MTHFD2: variants seen among roughly 807,000 people sequenced by gnomAD.
The protein encoded by MTHFD2 is methylenetetrahydrofolate dehydrogenase (NADP+ dependent) 2, methenyltetrahydrofolate cyclohydrolase.
A neutral mutation model predicts 36.8 loss-of-function variants in MTHFD2; 26 were observed. The ratio of observed to expected loss-of-function variants is 0.71; its 90% confidence interval spans 0.52 to 0.98. MTHFD2 has a LOEUF of 0.98. Among genes scored for constraint, MTHFD2 ranks in the 50% least tolerant of loss-of-function variants. MTHFD2 has a pLI of 0.00. For missense variants in MTHFD2, 373 were observed against 434.0 expected (o/e 0.86, Z 1.25); for synonymous variants, 164 against 155.2 (o/e 1.06, Z -0.42).
At position 74,205,888 on chromosome 2, in the gene MTHFD2, G is replaced by C; in HGVS notation, c.285G>C (p.Val95=). The change falls in exon 2 of 8, where the codon GTG becomes GTC. Residue 95 remains valine (V), a splice_region_variant and synonymous_variant. Coordinates refer to ENST00000394053, the MANE Select transcript of MTHFD2 (RefSeq NM_006636.4). ...VLNKTRAAAV[V]GINSETIMKP... ...ACAAAACCAGGGCAGCTGCAGTTGTGGGTATGTGTCCTTCTGAGACCTCGA... is the reference window on the plus strand; with the variant it reads ...ACAAAACCAGGGCAGCTGCAGTTGTCGGTATGTGTCCTTCTGAGACCTCGA... 6.2e-7 allele frequency: 1 copy of C among 1,612,934 alleles called. No individual in the cohort carries two copies. The highest frequency in any genetic ancestry group is 8.5e-7 in the Non-Finnish European group (1 of 1,179,286).
At chr2:74,207,879 T>TCTCC in intron 3 of MTHFD2, 53 bp downstream of exon 3, 1 of 1,511,454 alleles carries the variant, frequency 6.6e-7, no homozygotes, top group Non-Finnish European at 9.0e-7. Context: ...CTCCTTTCCC[T>TCTCC]CTCCCTCCCT....
intron 1 of MTHFD2, 71 bp downstream of exon 1, chr2:74,198,813 C>A: frequency 7.4e-7 from 1 of 1,360,102 alleles, no homozygotes; most frequent in South Asian, 1.3e-5. Flanking sequence ...ACGCCGGGCC[C>A]CCGAGGGACA....
chr2:74,205,817 G>A lies in MTHFD2; in HGVS notation c.214G>A (p.Val72Met). Residue 72 changes from valine to methionine, a missense_variant, in exon 2 of 8, where the codon GTG becomes ATG. Around this residue, in one of 2 missense-constraint regions of MTHFD2, gnomAD observed 308 missense variants for 397.8 expected, o/e 0.77. Transcript: ENST00000394053. ...AGGCAACAAACGGCCACACCTGAGTGTGATCCTGGTTGGCGAGAATCCTGC... is the reference window on the plus strand; with the variant it reads ...AGGCAACAAACGGCCACACCTGAGTATGATCCTGGTTGGCGAGAATCCTGC... ...ASGNKRPHLS[V>M]ILVGENPASH... is the part of the protein sequence containing the mutation. The A allele has an allele frequency of 6.2e-7, 1 of 1,613,872 alleles. No homozygotes were observed. Among genetic ancestry groups the A allele is most frequent in the South Asian group, 1.1e-5 (1 of 91,082 alleles).
intron 1 of MTHFD2, among the ~76,000 whole-genome samples, chr2:74,199,853 G>A (rs973723705): frequency 2.6e-5 from 4 of 152,198 alleles, no homozygotes; most frequent in African/African-American, 9.6e-5. Flanking sequence ...TGATTTGGTC[G>A]GTCATTAGAG....
intron 5 of MTHFD2, 122 bp downstream of exon 5, chr2:74,210,171 T>C: frequency 1.4e-6 from 1 of 697,958 alleles, no homozygotes. Context: ...GAAATTTTGT[T>C]AACAGACAAT....
rs1295250484 is a variant in MTHFD2, at chr2:74,216,669, C to CATG, written c.*2430_*2432dup. ...TGTCTCCCTGGCTGGAGTGCAGTGG[C>CATG]ATGATTATAGCTCACTGCAGCCTTG... On this transcript the variant is annotated 3_prime_UTR_variant, in exon 8 of 8. Coordinates refer to ENST00000394053, the MANE Select transcript of MTHFD2 (RefSeq NM_006636.4). 1.3e-5 allele frequency: 2 copies of CATG among 152,132 alleles called. No homozygotes were observed. The highest frequency in any genetic ancestry group is 2.9e-5 in the Non-Finnish European group (2 of 68,026). The allele number at this position is 152,132 out of a possible 1,614,324, so 9.4% of individuals were successfully genotyped here.
intron 1 of MTHFD2, among the ~76,000 whole-genome samples, chr2:74,199,594 A>G (rs890547857): frequency 1.3e-5 from 2 of 152,026 alleles, no homozygotes; most frequent in South Asian, 2.1e-4. Flanking sequence ...GGGCGTGGTG[A>G]CACGCGCCGA....
intron 7 of MTHFD2, among the ~76,000 whole-genome samples, chr2:74,213,270 CTT>C (rs10638050): frequency 6.6e-5 from 5 of 76,032 alleles, no homozygotes; most frequent in African/African-American, 3.0e-4. Context: ...TTTTTCTTTC[CTT>C]TTTTTTTTTT....
chr2:74,207,951 C>G, intron 3 of MTHFD2, 125 bp downstream of exon 3: 1 of 1,004,442 alleles, frequency 1.0e-6, no homozygotes, highest in Non-Finnish European at 1.5e-6. Context: ...CTCTGTCACC[C>G]AGGCTAGAGT....
intron 4 of MTHFD2, among the ~76,000 whole-genome samples, chr2:74,209,098 AGGC>A: frequency 6.6e-6 from 1 of 151,556 alleles, no homozygotes; most frequent in South Asian, 2.1e-4. Flanking sequence ...GTCTCGAACT[AGGC>A]CTCAGGTGAT....
intron 7 of MTHFD2, 27 bp from the exon 8 acceptor site, chr2:74,214,052 C>G (rs1475108455): frequency 6.2e-7 from 1 of 1,604,730 alleles, no homozygotes; most frequent in Non-Finnish European, 8.5e-7. Flanking sequence ...ATAACTAAAG[C>G]AGCCTGCCTG....
intron 5 of MTHFD2, among the ~76,000 whole-genome samples, chr2:74,210,559 A>G (rs751903859): frequency 3.9e-5 from 6 of 152,246 alleles, no homozygotes; most frequent in Non-Finnish European, 7.3e-5. Context: ...ACTTTCAACT[A>G]TCTTTCAACA....
chr2:74,207,195 C>T (rs1694204697), intron 2 of MTHFD2, among the ~76,000 whole-genome samples: 1 of 151,964 alleles, frequency 6.6e-6, no homozygotes, highest in South Asian at 2.1e-4. Flanking sequence ...GTGGTGCGAT[C>T]TCAGCTCACT....
In MTHFD2 at chr2:74,214,324, A is replaced by G; in HGVS notation, c.*82A>G. 6.8e-7 allele frequency: 1 copy of G among 1,462,632 alleles called. No individual in the cohort carries two copies. The highest frequency in any genetic ancestry group is 9.3e-7 in the Non-Finnish European group (1 of 1,078,422). 90.6% of individuals were successfully genotyped at this position (1,462,632 alleles called of 1,614,324 possible). On this transcript the variant is annotated 3_prime_UTR_variant, in exon 8 of 8. Coordinates refer to ENST00000394053, the MANE Select transcript of MTHFD2 (RefSeq NM_006636.4). The stretch of plus-strand genomic sequence containing the variant: ...GGCCAATAGAAATGCAATATTTTTA[A>G]TTTATTCTACTGAAATGGTTTAAAA...
At chr2:74,203,373 T>A (rs1480578739) in intron 1 of MTHFD2, among the ~76,000 whole-genome samples, 1 of 152,226 alleles carries the variant, frequency 6.6e-6, no homozygotes, top group Non-Finnish European at 1.5e-5. Flanking sequence ...TATAAGATTA[T>A]TGCATTATAT....
Position 74,217,483 on chromosome 2 carries a change from T to C in MTHFD2, c.*3241T>C, listed in dbSNP as rs903716247. 7.9e-5 allele frequency: 12 copies of C among 152,334 alleles called. No homozygotes were observed. The highest frequency in any genetic ancestry group is 2.9e-4 in the African/African-American group (12 of 41,578). 9.4% of individuals were successfully genotyped at this position (152,334 alleles called of 1,614,324 possible). ...CAAAGTTGTAATGTAAAATGTGACC[T>C]TACCTCTGTCTAACCTGTATTGTTC... On this transcript the variant is annotated 3_prime_UTR_variant, in exon 8 of 8. Transcript: ENST00000394053.
Position 74,207,118 on chromosome 2 carries a change from G to C in MTHFD2, c.287-586G>C, listed in dbSNP as rs141679398. On this transcript the variant is annotated intron_variant, in intron 2 of 7. Transcript: ENST00000394053. Reference sequence around the variant, plus strand: ...ACCAGAAAGACTGGCTGTATTATTAGCTCGCTTATTTATTTATTTATTTAT... The same window carrying C: ...ACCAGAAAGACTGGCTGTATTATTACCTCGCTTATTTATTTATTTATTTAT... Among the ~76,000 whole-genome samples the C allele has an allele frequency of 3.1e-3, 469 of 152,184 alleles. 4 individuals are homozygous for C. Among genetic ancestry groups the C allele is most frequent in the African/African-American group, 0.011 (443 of 41,520 alleles).
Position 74,214,717 on chromosome 2 carries a change from AAATT to A in MTHFD2, c.*480_*483del, listed in dbSNP as rs1423815495. 2 of 152,804 alleles carry A rather than the reference AAATT, an allele frequency of 1.3e-5. No homozygotes were observed. Among genetic ancestry groups the A allele is most frequent in the African/African-American group, 4.8e-5 (2 of 41,460 alleles). The allele number at this position is 152,804 out of a possible 1,614,324, so 9.5% of individuals were successfully genotyped here. A position where few individuals can be genotyped will look rare whatever the true frequency, so the allele number is the denominator to read the frequency against. ...AAAATGGTAGTAATTGAGCAGAAAA[AAATT>A]AATTTATATATGTATTGATTGGCAA... is the stretch of plus-strand genomic sequence containing the variant. On this transcript the variant is annotated 3_prime_UTR_variant, in exon 8 of 8. Coordinates refer to ENST00000394053, the MANE Select transcript of MTHFD2 (RefSeq NM_006636.4).
rs1218235375 is a variant in MTHFD2, at chr2:74,214,456, A to C, written c.*214A>C. On this transcript the variant is annotated 3_prime_UTR_variant, in exon 8 of 8. Coordinates refer to ENST00000394053, the MANE Select transcript of MTHFD2 (RefSeq NM_006636.4). Reference sequence around the variant, plus strand: ...AGTATCATGCAGGGTCCTGTGATCTAGCCAGGAGCAGCCATTAACCTAGTG... The same window carrying C: ...AGTATCATGCAGGGTCCTGTGATCTCGCCAGGAGCAGCCATTAACCTAGTG... 1.3e-5 allele frequency: 5 copies of C among 373,984 alleles called. No individual in the cohort carries two copies. The highest frequency in any genetic ancestry group is 2.1e-5 in the African/African-American group (1 of 48,130). 23.2% of individuals were successfully genotyped at this position (373,984 alleles called of 1,614,324 possible). A position where few individuals can be genotyped will look rare whatever the true frequency, so the allele number is the denominator to read the frequency against.
Sources: allele counts gnomAD v4.1 joint callset (sites outside exome capture counted in the v4.1 genomes callset), GRCh38; gene constraint gnomAD v4.1.1; regional missense constraint gnomAD v4.1.1; transcripts MANE v1.5; gene names NCBI Gene and HGNC (gene_info 2026-07-23, HGNC 2026-07-21).